SH3RF3: variants seen among roughly 807,000 people sequenced by gnomAD.
The protein encoded by SH3RF3 is E3 ubiquitin-protein ligase SH3RF3.
Under a neutral mutation model 66.3 loss-of-function variants are expected in SH3RF3, and 29 were observed. The observed-to-expected ratio is 0.44, with a 90% CI of 0.33 to 0.60. SH3RF3 has a LOEUF of 0.60. Ranked by LOEUF, SH3RF3 falls within the 20% of genes least tolerant of loss-of-function variation. The probability of loss-of-function intolerance (pLI) is 0.04; values close to 1 mark genes in which losing one functional copy is unlikely to be tolerated. For missense variants in SH3RF3, 1,194 were observed against 1,190.9 expected, an observed-to-expected ratio of 1.00 and a Z score of -0.04; for synonymous variants, 583 against 532.0, an observed-to-expected ratio of 1.10 and a Z score of -1.32.
chr2:109,441,797 C>T (rs1166506179), intron 7 of SH3RF3, among the ~76,000 whole-genome samples: 1 of 151,822 alleles, frequency 6.6e-6, no homozygotes, highest in African/African-American at 2.4e-5. Context: ...TGAAAACAGC[C>T]AGAGGACAAA....
chr2:109,140,045 A>G (rs1215805163), intron 1 of SH3RF3, among the ~76,000 whole-genome samples: 6 of 152,224 alleles, frequency 3.9e-5, no homozygotes, highest in Admixed American at 6.5e-5. Context: ...CATAACTCAC[A>G]TGACAAGGCT....
intron 1 of SH3RF3, among the ~76,000 whole-genome samples, chr2:109,164,642 A>AG (rs571265539): frequency 6.6e-6 from 1 of 152,100 alleles, no homozygotes; most frequent in Non-Finnish European, 1.5e-5. Flanking sequence ...GATCTTTGGG[A>AG]GGGGGAAAAA....
chr2:109,242,525 A>G (rs1679810317), intron 1 of SH3RF3, among the ~76,000 whole-genome samples: 1 of 152,172 alleles, frequency 6.6e-6, no homozygotes, highest in African/African-American at 2.4e-5. Flanking sequence ...GCGGGAGTGA[A>G]TGGCAACAAG....
At chr2:109,148,620 T>C (rs1449475463) in intron 1 of SH3RF3, among the ~76,000 whole-genome samples, 1 of 152,204 alleles carries the variant, frequency 6.6e-6, no homozygotes, top group Non-Finnish European at 1.5e-5. Flanking sequence ...TAATTAAAGA[T>C]GGCATTAGTC....
At chr2:109,405,640 G>T (rs1676434275) in intron 4 of SH3RF3, among the ~76,000 whole-genome samples, 1 of 152,204 alleles carries the variant, frequency 6.6e-6, no homozygotes. Flanking sequence ...CTGTGCAGAA[G>T]GCTCCTGCCC....
chr2:109,490,536 C>T, intron 8 of SH3RF3, 69 bp from the exon 9 acceptor site: 1 of 1,248,850 alleles, frequency 8.0e-7, no homozygotes, highest in South Asian at 2.2e-5. Flanking sequence ...GATGCATTCC[C>T]CTCTCTCTGA....
At chr2:109,485,202 A>T (rs1413855581) in intron 8 of SH3RF3, among the ~76,000 whole-genome samples, 1 of 151,886 alleles carries the variant, frequency 6.6e-6, no homozygotes, top group Non-Finnish European at 1.5e-5. Flanking sequence ...TGCCTGAGGC[A>T]AAGAGAATTA....
intron 9 of SH3RF3, among the ~76,000 whole-genome samples, chr2:109,495,470 T>A (rs1382414189): frequency 2.1e-5 from 3 of 145,206 alleles, no homozygotes; most frequent in Admixed American, 7.0e-5. Flanking sequence ...CTGAATATCT[T>A]TCATTCCTTT....
intron 1 of SH3RF3, among the ~76,000 whole-genome samples, chr2:109,306,662 C>T (rs6542812): frequency 0.31 from 47,273 of 152,092 alleles, 9,061 homozygotes; most frequent in African/African-American, 0.54. Context: ...GTCGGTGGAC[C>T]CCAAATGCCC....
chr2:109,130,102 C>T lies in SH3RF3; in HGVS notation c.562C>T (p.Pro188Ser). 1 of 1,334,426 alleles carries T rather than the reference C, an allele frequency of 7.5e-7. No homozygotes were observed. The highest frequency in any genetic ancestry group is 1.9e-5 in the South Asian group (1 of 51,424). The allele number at this position is 1,334,426 out of a possible 1,614,324, so 82.7% of individuals were successfully genotyped here. A position where few individuals can be genotyped will look rare whatever the true frequency, so the allele number is the denominator to read the frequency against. The change falls in exon 1 of 10, where the codon CCG becomes TCG. Residue 188 changes from proline to serine, a missense_variant. Physicochemically the swap from Pro to Ser is moderately conservative, Grantham distance 74. Coordinates refer to ENST00000309415, the MANE Select transcript of SH3RF3 (RefSeq NM_001099289.3). ...GGAGCTGGCGACCAGCAGGACCGCG[C>T]CGGCGGCAAAGGTGAGTATCTGTCT... ...LRELATSRTA[P>S]AAKNPCLLPY...
chr2:109,363,008 T>A (rs1211142882), intron 2 of SH3RF3, among the ~76,000 whole-genome samples: 1 of 152,214 alleles, frequency 6.6e-6, no homozygotes, highest in African/African-American at 2.4e-5. Flanking sequence ...TTTTATTTTA[T>A]CAACTTAAAA....
intron 8 of SH3RF3, among the ~76,000 whole-genome samples, chr2:109,467,217 T>G (rs1424342821): frequency 6.6e-6 from 1 of 152,218 alleles, no homozygotes; most frequent in East Asian, 1.9e-4. Context: ...TGTGACAGCC[T>G]CAGACTGGAA....
At chr2:109,174,415 C>T (rs944098756) in intron 1 of SH3RF3, among the ~76,000 whole-genome samples, 1 of 152,216 alleles carries the variant, frequency 6.6e-6, no homozygotes, top group African/African-American at 2.4e-5. Flanking sequence ...GCAGCCAATA[C>T]TCCACAGCTG....
intron 2 of SH3RF3, among the ~76,000 whole-genome samples, chr2:109,357,235 G>A (rs562947365): frequency 1.7e-4 from 26 of 151,790 alleles, no homozygotes; most frequent in African/African-American, 5.6e-4. Flanking sequence ...AGGCTGGAGT[G>A]CAGTGGCACG....
intron 1 of SH3RF3, among the ~76,000 whole-genome samples, chr2:109,170,247 CTCTTCTCTTCTCTTCT>C (rs1677733966): frequency 1.8e-4 from 1 of 5,586 alleles, no homozygotes. Context: ...CTTTTCTTTT[CTCTTCTCTTCTCTTCT>C]CTTCTCTTCT....
intron 2 of SH3RF3, among the ~76,000 whole-genome samples, chr2:109,368,567 C>T (rs1574601515): frequency 6.6e-6 from 1 of 151,594 alleles, no homozygotes; most frequent in African/African-American, 2.4e-5. Flanking sequence ...TTCTAATATT[C>T]ACTTGCTTCT....
intron 1 of SH3RF3, among the ~76,000 whole-genome samples, chr2:109,195,105 C>T (rs1408617034): frequency 6.6e-6 from 1 of 152,116 alleles, no homozygotes. Context: ...GCATTTTACA[C>T]CTATATTTGT....
intron 4 of SH3RF3, among the ~76,000 whole-genome samples, chr2:109,418,165 C>G (rs1676774660): frequency 6.6e-6 from 1 of 152,150 alleles, no homozygotes; most frequent in Non-Finnish European, 1.5e-5. Context: ...TCCTGTGCTC[C>G]AGTTTCTGCT....
chr2:109,458,395 TCTAA>T (rs1427349500), intron 8 of SH3RF3, among the ~76,000 whole-genome samples: 1 of 152,190 alleles, frequency 6.6e-6, no homozygotes, highest in Non-Finnish European at 1.5e-5. Flanking sequence ...TCACCTGCCT[TCTAA>T]CTCTTATTTA....
Sources: allele counts gnomAD v4.1 joint callset (sites outside exome capture counted in the v4.1 genomes callset), GRCh38; gene constraint gnomAD v4.1.1; transcripts MANE v1.5; gene names NCBI Gene and HGNC (gene_info 2026-07-23, HGNC 2026-07-21).